Variants in USP13 observed in about 807,000 individuals in gnomAD.
The protein encoded by USP13 is ubiquitin carboxyl-terminal hydrolase 13.
Under a neutral mutation model 107.8 loss-of-function variants are expected in USP13, and 68 were observed. That is an observed-to-expected ratio of 0.63 (90% CI 0.52 to 0.77). The LOEUF (loss-of-function observed/expected upper bound fraction) is 0.77. Among genes scored for constraint, USP13 ranks in the 30% least tolerant of loss-of-function variants. The probability of loss-of-function intolerance (pLI) is 0.00; values close to 1 mark genes in which losing one functional copy is unlikely to be tolerated. For synonymous variants in USP13, 377 were observed against 389.5 expected, an observed-to-expected ratio of 0.97 and a Z score of 0.38; for missense variants, 945 against 1,093.3, an observed-to-expected ratio of 0.86 and a Z score of 1.91.
At chr3:179,695,467 A>G (rs1465097307) in intron 3 of USP13, among the ~76,000 whole-genome samples, 2 of 151,348 alleles carry the variant, frequency 1.3e-5, no homozygotes, top group Non-Finnish European at 2.9e-5. Context: ...TGGTCAAATC[A>G]CTTTCCCTCC....
chr3:179,734,171 T>C (rs1368811646), intron 10 of USP13, among the ~76,000 whole-genome samples: 1 of 152,252 alleles, frequency 6.6e-6, no homozygotes, highest in East Asian at 1.9e-4. Flanking sequence ...GCTTTTTATA[T>C]ATGCATGCTT....
At chr3:179,665,223 A>G (rs936942849) in intron 1 of USP13, among the ~76,000 whole-genome samples, 2 of 152,176 alleles carry the variant, frequency 1.3e-5, no homozygotes, top group African/African-American at 4.8e-5. Context: ...AGTGGGAGGG[A>G]AACAGAGGAC....
At chr3:179,703,202 A>G (rs1211120486) in intron 4 of USP13, among the ~76,000 whole-genome samples, 1 of 152,220 alleles carries the variant, frequency 6.6e-6, no homozygotes, top group East Asian at 1.9e-4. Context: ...ATAAAAGGAA[A>G]AGCCTGGACT....
intron 6 of USP13, among the ~76,000 whole-genome samples, chr3:179,719,543 G>A (rs562889155): frequency 6.6e-6 from 1 of 152,268 alleles, no homozygotes; most frequent in South Asian, 2.1e-4. Flanking sequence ...CCCCCCTGCC[G>A]TGGCGGATGG....
Position 179,787,165 on chromosome 3 carries a change from A to C in USP13, c.*3024A>C, listed in dbSNP as rs1421067823. 2.6e-5 allele frequency: 4 copies of C among 152,220 alleles called. No homozygotes were observed. In the South Asian group the frequency reaches 8.3e-4, roughly 31 times the overall value. 9.4% of individuals were successfully genotyped at this position (152,220 alleles called of 1,614,324 possible). A position where few individuals can be genotyped will look rare whatever the true frequency, so the allele number is the denominator to read the frequency against. ...CAAGAGAATGTGCCTGACATTTCCC[A>C]GTGCTTACTTTGGGCTATAGGAAGT... On this transcript the variant is annotated 3_prime_UTR_variant, in exon 21 of 21. Transcript: ENST00000263966.
chr3:179,788,531 A>G lies in USP13; in HGVS notation c.*4390A>G, dbSNP rs572334863. 8 of 152,322 alleles carry G rather than the reference A, an allele frequency of 5.3e-5. No homozygotes were observed. In the South Asian group the frequency reaches 1.5e-3, roughly 28 times the overall value. 9.4% of individuals were successfully genotyped at this position (152,322 alleles called of 1,614,324 possible). ...ACCAGATTTTGAAGGCTTGGTACCAAAAAGGAATTTAAAATATTTCACCAA... is the reference window on the plus strand; with the variant it reads ...ACCAGATTTTGAAGGCTTGGTACCAGAAAGGAATTTAAAATATTTCACCAA... On this transcript the variant is annotated 3_prime_UTR_variant, in exon 21 of 21. Transcript: ENST00000263966.
chr3:179,714,157 C>T (rs947134800), intron 6 of USP13, among the ~76,000 whole-genome samples: 2 of 152,184 alleles, frequency 1.3e-5, no homozygotes, highest in African/African-American at 4.8e-5. Context: ...TCTTCCATCA[C>T]AGAAACTAGT....
rs1048247578 is a variant in USP13 at position 179,708,965 on chromosome 3, C to G, written c.805+8C>G. On this transcript the variant is annotated splice_region_variant and intron_variant, in intron 6 of 20. Transcript: ENST00000263966. ...TCACTCCTGACGGGGCAGGTGAGTG[C>G]GCCTTTACCGACTTTGGGAACATGC... 1 of 1,610,916 alleles carries G rather than the reference C, an allele frequency of 6.2e-7. No homozygotes were observed. The highest frequency in any genetic ancestry group is 8.5e-7 in the Non-Finnish European group (1 of 1,178,292).
At chr3:179,674,425 G>A (rs1427758957) in intron 1 of USP13, among the ~76,000 whole-genome samples, 2 of 152,150 alleles carry the variant, frequency 1.3e-5, no homozygotes, top group African/African-American at 2.4e-5. Flanking sequence ...CTCATCCATC[G>A]TGACAATAGT....
chr3:179,761,047 G>C, intron 16 of USP13, 65 bp from the exon 17 acceptor site: 1 of 1,594,342 alleles, frequency 6.3e-7, no homozygotes, highest in Non-Finnish European at 8.6e-7. Flanking sequence ...GGAGAGTGGA[G>C]AGTAGCTAAG....
At chr3:179,661,876 A>G (rs73883595) in intron 1 of USP13, among the ~76,000 whole-genome samples, 1,689 of 152,248 alleles carry the variant, frequency 0.011, 37 homozygotes, top group African/African-American at 0.039. Flanking sequence ...TGCTATTGCA[A>G]CTGTGGCACC....
intron 10 of USP13, among the ~76,000 whole-genome samples, chr3:179,736,497 T>G (rs536970073): frequency 2.0e-5 from 3 of 152,330 alleles, no homozygotes; most frequent in African/African-American, 7.2e-5. Context: ...TGAGCTAAGA[T>G]GCTCTAACCC....
intron 19 of USP13, among the ~76,000 whole-genome samples, chr3:179,776,768 A>G (rs987167263): frequency 6.6e-6 from 1 of 152,040 alleles, no homozygotes; most frequent in African/African-American, 2.4e-5. Flanking sequence ...GCAGCTTGAG[A>G]TAAGATAAAC....
intron 1 of USP13, among the ~76,000 whole-genome samples, chr3:179,673,195 G>C (rs148460250): frequency 1.6e-4 from 24 of 152,094 alleles, no homozygotes; most frequent in Non-Finnish European, 2.6e-4. Flanking sequence ...TTGTTTAGTC[G>C]TGCCAGAGAC....
In USP13 at chr3:179,721,603, A is replaced by T; in HGVS notation, c.1088+14A>T. On this transcript the variant is annotated intron_variant, in intron 8 of 20. Transcript: ENST00000263966. This position sits in a 1 kb window ranked among gnomAD's most constrained non-coding sequence, Gnocchi z 4.3. ...ATTCCAGAGAGCGTAAGTGCCTTCCATGCAGACCAGGGCACGCGGCACCTC... is the reference window on the plus strand; with the variant it reads ...ATTCCAGAGAGCGTAAGTGCCTTCCTTGCAGACCAGGGCACGCGGCACCTC... 1 of 1,611,980 alleles carries T rather than the reference A, an allele frequency of 6.2e-7. No homozygotes were observed. Among genetic ancestry groups the T allele is most frequent in the Non-Finnish European group, 8.5e-7 (1 of 1,179,548 alleles).
In USP13 at chr3:179,708,375, C is replaced by T. The variant is rs896997985; in HGVS notation, c.621-398C>T. ...AGGCTGGAGTGCAGTGGCACAATCT[C>T]GGCCCACTGCAACCTCCGCCTCTCG... On this transcript the variant is annotated intron_variant, in intron 5 of 20. Coordinates refer to ENST00000263966, the MANE Select transcript of USP13 (RefSeq NM_003940.3). Among the ~76,000 whole-genome samples, 49 of 151,606 alleles carry T rather than the reference C, an allele frequency of 3.2e-4. 1 individual carries two copies. Among genetic ancestry groups the T allele is most frequent in the African/African-American group, 7.5e-4 (31 of 41,222 alleles).
chr3:179,744,351 T>G (rs1714317925), intron 12 of USP13, among the ~76,000 whole-genome samples: 1 of 130,162 alleles, frequency 7.7e-6, no homozygotes, highest in Admixed American at 7.7e-5. Flanking sequence ...CTGTTTTTTT[T>G]TTTGTTTTGT....
At chr3:179,690,201 T>G in intron 2 of USP13, 40 bp from the exon 3 acceptor site, 1 of 1,593,254 alleles carries the variant, frequency 6.3e-7, no homozygotes, top group Non-Finnish European at 8.6e-7. Context: ...GATGTTTATT[T>G]TATAGGCCGC....
chr3:179,735,716 T>C (rs1399319839), intron 10 of USP13, among the ~76,000 whole-genome samples: 7 of 152,204 alleles, frequency 4.6e-5, no homozygotes, highest in Admixed American at 4.6e-4. Context: ...TTTCTTCTTT[T>C]AACATAAATA....
Sources: allele counts gnomAD v4.1 joint callset (sites outside exome capture counted in the v4.1 genomes callset), GRCh38; gene constraint gnomAD v4.1.1; non-coding constraint Gnocchi (gnomAD v3.1); transcripts MANE v1.5; gene names NCBI Gene and HGNC (gene_info 2026-07-23, HGNC 2026-07-21).